The following EEPD1 variants were observed in gnomAD, a reference collection of about 807,000 sequenced individuals.
EEPD1 encodes the protein endonuclease/exonuclease/phosphatase family domain-containing protein 1.
A neutral mutation model predicts 46.3 loss-of-function variants in EEPD1; 17 were observed. That is an observed-to-expected ratio of 0.37 (90% CI 0.25 to 0.55). The LOEUF is 0.55. Among genes scored for constraint, EEPD1 ranks in the 20% least tolerant of loss-of-function variants. The pLI is 0.83. For missense variants in EEPD1, 673 were observed against 745.6 expected (o/e 0.90, Z 1.13); for synonymous variants, 313 against 315.6 (o/e 0.99, Z 0.09).
intron 3 of EEPD1, among the ~76,000 whole-genome samples, chr7:36,278,317 A>G (rs1279635711): frequency 1.3e-5 from 2 of 152,106 alleles, no homozygotes; most frequent in Non-Finnish European, 2.9e-5. Flanking sequence ...TATGAATGGG[A>G]GATACAATTG....
At chr7:36,280,820 T>C (rs1331681104) in intron 3 of EEPD1, among the ~76,000 whole-genome samples, 1 of 152,222 alleles carries the variant, frequency 6.6e-6, no homozygotes, top group Non-Finnish European at 1.5e-5. Context: ...CTGATGACTT[T>C]TTTTGAACTG....
rs781159525 is a variant in EEPD1 at position 36,297,072 on chromosome 7, G to A, written c.1395G>A (p.Lys465=). The part of the protein sequence containing the change: ...SNDYDILRKE[K]FHHLIPAHTF... ...ACTATGATATCCTGAGGAAAGAAAAGTTCCACCACCTGATCCCCGCGCACA... is the reference window on the plus strand; with the variant it reads ...ACTATGATATCCTGAGGAAAGAAAAATTCCACCACCTGATCCCCGCGCACA... The change falls in exon 7 of 8, where the codon AAG becomes AAA. Residue 465 remains lysine (K), a synonymous_variant. Coordinates refer to ENST00000242108, the MANE Select transcript of EEPD1 (RefSeq NM_030636.3). The A allele has an allele frequency of 6.2e-7, 1 of 1,614,202 alleles. No homozygotes were observed. Among genetic ancestry groups the A allele is most frequent in the Admixed American group, 1.7e-5 (1 of 60,024 alleles).
At chr7:36,184,037 A>G (rs1403927463) in intron 2 of EEPD1, among the ~76,000 whole-genome samples, 2 of 152,102 alleles carry the variant, frequency 1.3e-5, no homozygotes, top group Non-Finnish European at 2.9e-5. Flanking sequence ...TCTCTTGTGC[A>G]GGGATCAGCA....
At chr7:36,220,113 T>C (rs1442935543) in intron 2 of EEPD1, among the ~76,000 whole-genome samples, 1 of 152,116 alleles carries the variant, frequency 6.6e-6, no homozygotes, top group Non-Finnish European at 1.5e-5. Context: ...TGCAGAAAAC[T>C]AGTTTGATCT....
chr7:36,266,661 C>T (rs761456075), intron 3 of EEPD1, among the ~76,000 whole-genome samples: 7 of 152,214 alleles, frequency 4.6e-5, no homozygotes, highest in Non-Finnish European at 1.0e-4. Context: ...GTGCAACCAT[C>T]ACCTCTATCT....
intron 2 of EEPD1, among the ~76,000 whole-genome samples, chr7:36,215,333 C>G (rs1041963046): frequency 6.6e-6 from 1 of 152,164 alleles, no homozygotes. Context: ...GCCGATTTGG[C>G]GGGGCTGGGG....
intron 6 of EEPD1, among the ~76,000 whole-genome samples, chr7:36,292,299 A>G (rs1167889501): frequency 6.6e-6 from 1 of 152,210 alleles, no homozygotes; most frequent in Non-Finnish European, 1.5e-5. Flanking sequence ...ACTCAGAGTC[A>G]TCCAGCTGTT....
At chr7:36,209,856 C>G (rs1342890526) in intron 2 of EEPD1, among the ~76,000 whole-genome samples, 1 of 152,182 alleles carries the variant, frequency 6.6e-6, no homozygotes, top group Non-Finnish European at 1.5e-5. Flanking sequence ...CCAATAGACA[C>G]CACCTCCAAC....
chr7:36,271,881 ATTGTATTCTATTCTATT>A (rs1264688792), intron 3 of EEPD1, among the ~76,000 whole-genome samples: 3 of 18,460 alleles, frequency 1.6e-4, no homozygotes, highest in African/African-American at 3.7e-4. Context: ...ATTCTATTCT[ATTGTATTCTATTCTATT>A]CGAGACAGAG....
In EEPD1 at chr7:36,178,148, TTG is replaced by T. The variant is rs370742464; in HGVS notation, c.878+22950_878+22951del. 4.6e-3 allele frequency among the ~76,000 whole-genome samples: 703 copies of T among 152,358 alleles called. 4 individuals carry two copies. The highest frequency in any genetic ancestry group is 0.016 in the African/African-American group (667 of 41,586). On this transcript the variant is annotated intron_variant, in intron 2 of 7. Transcript: ENST00000242108. ...ACAGTGTTCCTACCTCAGGAAACTG[TTG>T]TGTCAGTTAATAGAATAAATAAGTG...
Position 36,281,196 on chromosome 7 carries a change from G to C in EEPD1, c.1012G>C (p.Ala338Pro). The change falls in exon 4 of 8, where the codon GCT becomes CCT. Residue 338 changes from alanine (A) to proline (P), a missense_variant. Ala to Pro is a conservative substitution (Grantham distance 27). Transcript: ENST00000242108. ...CCGGGGATGCTGGAAGGCTGTTGTT[G>C]CTGAGAAGCCCTCGAGTCAGCTCCA... is the stretch of plus-strand genomic sequence containing the variant. ...GPRGCWKAVV[A>P]EKPSSQLQKG... 6.2e-7 allele frequency: 1 copy of C among 1,614,212 alleles called. No individual in the cohort carries two copies. Among genetic ancestry groups the C allele is most frequent in the Non-Finnish European group, 8.5e-7 (1 of 1,180,050 alleles).
intron 2 of EEPD1, among the ~76,000 whole-genome samples, chr7:36,197,038 G>A (rs1458053887): frequency 6.6e-6 from 1 of 150,396 alleles, no homozygotes; most frequent in African/African-American, 2.5e-5. Context: ...CGTCTGGGAT[G>A]TGAGGAGCGC....
rs147653968 is a variant in EEPD1, at chr7:36,165,586, A to AATTAATTTATTTATTT, written c.878+10387_878+10388insAATTTATTTATTTATT. 2.8e-3 allele frequency among the ~76,000 whole-genome samples: 378 copies of AATTAATTTATTTATTT among 134,686 alleles called. 2 individuals carry two copies. Among genetic ancestry groups the AATTAATTTATTTATTT allele is most frequent in the Admixed American group, 3.4e-3 (45 of 13,300 alleles). The allele number at this position is 134,686 out of a possible 152,430, so 88.4% of individuals were successfully genotyped here. A position where few individuals can be genotyped will look rare whatever the true frequency, so the allele number is the denominator to read the frequency against. ...AGGCACCTGCCACCACGCCCCAGCT[A>AATTAATTTATTTATTT]ATTTATTTATTTATTTATTTATTTA... On this transcript the variant is annotated intron_variant, in intron 2 of 7. Transcript: ENST00000242108.
rs1784774500 is a variant in EEPD1 at position 36,154,223 on chromosome 7, C to T, written c.-102C>T. ...CCTCTTCAGTCCCTGAATCCTGCAC[C>T]TTCCGTTTTTCTGTGCTTGTACGGC... On this transcript the variant is annotated 5_prime_UTR_variant, in exon 2 of 8. Transcript: ENST00000242108. This position sits in a 1 kb window ranked among gnomAD's most constrained non-coding sequence, Gnocchi z 4.2. 2 of 1,401,204 alleles carry T rather than the reference C, an allele frequency of 1.4e-6. No individual in the cohort carries two copies. The highest frequency in any genetic ancestry group is 1.9e-6 in the Non-Finnish European group (2 of 1,060,392). The allele number at this position is 1,401,204 out of a possible 1,614,324, so 86.8% of individuals were successfully genotyped here.
intron 2 of EEPD1, among the ~76,000 whole-genome samples, chr7:36,177,500 T>A (rs1017526032): frequency 1.3e-4 from 20 of 152,224 alleles, no homozygotes; most frequent in Admixed American, 1.1e-3. Flanking sequence ...CTCCCACTTA[T>A]AAGTGAAAAC....
intron 6 of EEPD1, among the ~76,000 whole-genome samples, chr7:36,292,369 CTTTTG>C (rs200557299): frequency 0.11 from 14,399 of 135,396 alleles, 752 homozygotes; most frequent in East Asian, 0.21. Context: ...CTTTTCTTTT[CTTTTG>C]TTTTGTTTTC....
intron 3 of EEPD1, among the ~76,000 whole-genome samples, chr7:36,255,476 A>G (rs941999668): frequency 3.3e-5 from 5 of 151,104 alleles, no homozygotes; most frequent in African/African-American, 9.7e-5. Context: ...TACTGCCTCA[A>G]TTTCAGAACT....
At position 36,244,570 on chromosome 7, in the gene EEPD1, TC is replaced by T. The variant is rs200833424; in HGVS notation, c.930+5535del. ...TAGACGTGCCAAGGTTTTCCTGTTT[TC>T]TGCAGAGCCCAGAGCCAGCTCTGAG... is the stretch of plus-strand genomic sequence containing the variant. On this transcript the variant is annotated intron_variant, in intron 3 of 7. Transcript: ENST00000242108. Among the ~76,000 whole-genome samples, 119 of 152,252 alleles carry T rather than the reference TC, an allele frequency of 7.8e-4. 1 individual carries two copies. The East Asian group carries it at 0.022, about 28-fold the overall frequency.
At chr7:36,214,389 A>G (rs1289453290) in intron 2 of EEPD1, among the ~76,000 whole-genome samples, 1 of 152,216 alleles carries the variant, frequency 6.6e-6, no homozygotes, top group African/African-American at 2.4e-5. Context: ...GGGCTGTCCC[A>G]TCTTGCACCC....
Sources: gnomAD v4.1 joint callset for allele counts (sites outside exome capture counted in the v4.1 genomes callset) on GRCh38, gnomAD v4.1.1 for gene constraint, Gnocchi (gnomAD v3.1) non-coding constraint, MANE v1.5 for transcripts, NCBI Gene and HGNC (gene_info 2026-07-23, HGNC 2026-07-21) for gene names.